The following MAP1B variants were observed in gnomAD, a reference collection of about 807,000 sequenced individuals.
MAP1B encodes microtubule associated protein 1B.
Under a neutral mutation model 176.1 loss-of-function variants are expected in MAP1B, and 12 were observed. That is an observed-to-expected ratio of 0.07 (90% CI 0.04 to 0.11). The LOEUF (loss-of-function observed/expected upper bound fraction) is 0.11, where lower values mean the gene tolerates loss of function less well. Among genes scored for constraint, MAP1B ranks in the 10% least tolerant of loss-of-function variants. The probability of loss-of-function intolerance (pLI) is 1.00; values close to 1 mark genes in which losing one functional copy is unlikely to be tolerated. For missense variants in MAP1B, 2,523 were observed against 2,990.5 expected (o/e 0.84, Z 3.65); for synonymous variants, 1,044 against 1,135.0 (o/e 0.92, Z 1.61).
chr5:72,111,212 G>T (rs191451654), intron 1 of MAP1B, among the ~76,000 whole-genome samples: 1 of 152,068 alleles, frequency 6.6e-6, no homozygotes, highest in African/African-American at 2.4e-5. Context: ...ATACATCCGT[G>T]TCTTGCAAAC....
intron 2 of MAP1B, among the ~76,000 whole-genome samples, chr5:72,141,679 A>G (rs1745948809): frequency 1.3e-5 from 2 of 152,208 alleles, no homozygotes; most frequent in Admixed American, 1.3e-4. Flanking sequence ...GAAATATTGC[A>G]TAGAATCAGT....
intron 2 of MAP1B, among the ~76,000 whole-genome samples, chr5:72,116,972 C>G (rs1745447275): frequency 6.6e-6 from 1 of 152,010 alleles, no homozygotes; most frequent in Admixed American, 6.6e-5. Flanking sequence ...TGTCTCAGTT[C>G]TTCCTTTTGA....
At position 72,198,188 on chromosome 5, in the gene MAP1B, A is replaced by T; in HGVS notation, c.4833A>T (p.Glu1611Asp). The change falls in exon 5 of 7, where the codon GAA (glutamate) becomes GAT (aspartate). Residue 1611 changes from glutamate to aspartate, a missense_variant. Transcript: ENST00000296755. ...FQETEMSPSKEECPRPMSISP... is the reference protein window; with the variant it reads ...FQETEMSPSKDECPRPMSISP... ...AAACAGAAATGTCTCCATCTAAAGA[A>T]GAATGCCCAAGACCGATGTCAATTT... 6.2e-7 allele frequency: 1 copy of T among 1,614,234 alleles called. No homozygotes were observed. The highest frequency in any genetic ancestry group is 1.3e-5 in the African/African-American group (1 of 75,058).
At chr5:72,163,227 C>CAAAAA (rs10608907) in intron 2 of MAP1B, among the ~76,000 whole-genome samples, 31 of 78,100 alleles carry the variant, frequency 4.0e-4, no homozygotes, top group African/African-American at 8.8e-4. Flanking sequence ...GACTCCATCT[C>CAAAAA]AAAAAAAAAA....
intron 1 of MAP1B, among the ~76,000 whole-genome samples, chr5:72,113,082 C>T (rs1391933226): frequency 6.6e-6 from 1 of 152,182 alleles, no homozygotes; most frequent in Non-Finnish European, 1.5e-5. Context: ...CTACATAAAC[C>T]TACTAAATGC....
chr5:72,190,963 A>G (rs1057369891), intron 4 of MAP1B, among the ~76,000 whole-genome samples: 4 of 152,240 alleles, frequency 2.6e-5, no homozygotes, highest in African/African-American at 9.6e-5. Flanking sequence ...TTCCTCTTCC[A>G]GTATGCCTGC....
At chr5:72,192,632 G>A (rs1484035711) in intron 4 of MAP1B, among the ~76,000 whole-genome samples, 1 of 152,208 alleles carries the variant, frequency 6.6e-6, no homozygotes, top group African/African-American at 2.4e-5. Flanking sequence ...ATACTAGAAG[G>A]TAAGAGTTCA....
chr5:72,165,307 C>G (rs1339919663), intron 2 of MAP1B, among the ~76,000 whole-genome samples: 1 of 152,178 alleles, frequency 6.6e-6, no homozygotes, highest in Non-Finnish European at 1.5e-5. Flanking sequence ...TGACCACTAT[C>G]TCCAGGACCT....
intron 2 of MAP1B, among the ~76,000 whole-genome samples, chr5:72,142,550 C>A (rs1440701608): frequency 6.6e-6 from 1 of 151,978 alleles, no homozygotes; most frequent in South Asian, 2.1e-4. Context: ...AAAGTTAAAC[C>A]TTAAAAAGAC....
At chr5:72,150,993 A>T (rs950364405) in intron 2 of MAP1B, among the ~76,000 whole-genome samples, 2 of 152,094 alleles carry the variant, frequency 1.3e-5, no homozygotes, top group Non-Finnish European at 2.9e-5. Context: ...GTCTTGGTCC[A>T]TTTTGTGTTG....
intron 2 of MAP1B, among the ~76,000 whole-genome samples, chr5:72,126,177 C>T (rs1198580742): frequency 6.6e-6 from 1 of 152,320 alleles, no homozygotes; most frequent in Non-Finnish European, 1.5e-5. Context: ...ACCCTTCCCC[C>T]TCCGGAGAGA....
At chr5:72,141,708 T>C (rs1396093893) in intron 2 of MAP1B, among the ~76,000 whole-genome samples, 2 of 152,088 alleles carry the variant, frequency 1.3e-5, no homozygotes, top group Non-Finnish European at 2.9e-5. Flanking sequence ...AAATTCCTTA[T>C]ATGGAGAGGT....
chr5:72,172,746 T>C (rs938864165), intron 2 of MAP1B, among the ~76,000 whole-genome samples: 1 of 152,220 alleles, frequency 6.6e-6, no homozygotes, highest in South Asian at 2.1e-4. Flanking sequence ...TAGGAATACA[T>C]AAAAATCATG....
At chr5:72,128,603 C>T (rs1745670368) in intron 2 of MAP1B, among the ~76,000 whole-genome samples, 1 of 152,038 alleles carries the variant, frequency 6.6e-6, no homozygotes, top group East Asian at 1.9e-4. Flanking sequence ...TTTTTTCTTT[C>T]TACTTCCTGT....
chr5:72,179,553 C>G (rs1746722736), intron 2 of MAP1B: 26 of 927,900 alleles, frequency 2.8e-5, no homozygotes, highest in Non-Finnish European at 3.1e-5. Flanking sequence ...ACCCGCCCGC[C>G]TGCCGCAGGA....
intron 2 of MAP1B, among the ~76,000 whole-genome samples, chr5:72,137,268 A>G (rs1414615595): frequency 6.6e-6 from 1 of 152,188 alleles, no homozygotes; most frequent in Non-Finnish European, 1.5e-5. Context: ...TATTGGCCCT[A>G]TTGCTATAGT....
At position 72,203,751 on chromosome 5, in the gene MAP1B, G is replaced by A. The variant is rs772818198; in HGVS notation, c.7201G>A (p.Val2401Ile). 2 of 1,613,410 alleles carry A rather than the reference G, an allele frequency of 1.2e-6. No individual in the cohort carries two copies. The highest frequency in any genetic ancestry group is 2.2e-5 in the South Asian group (2 of 91,038). Residue 2401 changes from valine (V) to isoleucine (I), a missense_variant, in exon 6 of 7, where the codon GTC becomes ATC. By Grantham distance (29) the Val-to-Ile change is conservative. Around this residue, in one of 4 missense-constraint regions of MAP1B, gnomAD observed 287 missense variants for 401.5 expected, o/e 0.71. Coordinates refer to ENST00000296755, the MANE Select transcript of MAP1B (RefSeq NM_005909.5). ...TGCTGCTGAGGAGCCCAGCCGGGCT[G>A]TCCTGGACGCTTTGTTGGAAGGAAA... ...DPAAEEPSRA[V>I]LDALLEGKAQ... is the part of the protein sequence containing the mutation.
chr5:72,190,857 A>T (rs1230140570), intron 4 of MAP1B, among the ~76,000 whole-genome samples: 1 of 152,258 alleles, frequency 6.6e-6, no homozygotes, highest in East Asian at 1.9e-4. Context: ...TAACCTAATC[A>T]AAAAGGAAAT....
intron 2 of MAP1B, among the ~76,000 whole-genome samples, chr5:72,140,890 A>G (rs1745935815): frequency 6.6e-6 from 1 of 152,210 alleles, no homozygotes; most frequent in South Asian, 2.1e-4. Flanking sequence ...ATCTCAGGGT[A>G]TGAGTCGTTA....
Sources: gnomAD v4.1 joint callset for allele counts (sites outside exome capture counted in the v4.1 genomes callset) on GRCh38, gnomAD v4.1.1 for gene constraint, gnomAD v4.1.1 regional missense constraint, MANE v1.5 for transcripts, NCBI Gene and HGNC (gene_info 2026-07-23, HGNC 2026-07-21) for gene names.